NUP210L: variants seen among roughly 807,000 people sequenced by gnomAD.
NUP210L encodes nuclear pore membrane glycoprotein 210-like.
In NUP210L, 74 loss-of-function variants were observed where a neutral mutation model predicts 208.5. The ratio of observed to expected loss-of-function variants is 0.35; its 90% CI spans 0.29 to 0.43. NUP210L has a LOEUF of 0.43. Ranked by LOEUF, NUP210L falls within the 20% of genes least tolerant of loss-of-function variation. The pLI is 1.00. For missense variants in NUP210L, 1,843 were observed against 2,289.4 expected, an observed-to-expected ratio of 0.81 and a Z score of 3.98; for synonymous variants, 780 against 816.9, an observed-to-expected ratio of 0.95 and a Z score of 0.77.
chr1:154,019,102 A>G, intron 32 of NUP210L, 33 bp from the exon 33 acceptor site: 1 of 1,611,550 alleles, frequency 6.2e-7, no homozygotes, highest in South Asian at 1.1e-5. Context: ...ACTTGGCTGA[A>G]GCCTTTGATA....
At chr1:154,152,345 T>G (rs1659438549) in intron 2 of NUP210L, among the ~76,000 whole-genome samples, 1 of 151,810 alleles carries the variant, frequency 6.6e-6, no homozygotes, top group Non-Finnish European at 1.5e-5. Flanking sequence ...CTAATTTTTT[T>G]GTATTTTTAG....
At chr1:154,132,731 G>A (rs1323566680) in intron 7 of NUP210L, among the ~76,000 whole-genome samples, 2 of 151,860 alleles carry the variant, frequency 1.3e-5, no homozygotes, top group Non-Finnish European at 2.9e-5. Flanking sequence ...AATAAATATT[G>A]AATAACTTAA....
chr1:154,066,378 G>A (rs181455077), intron 17 of NUP210L, among the ~76,000 whole-genome samples: 4 of 152,174 alleles, frequency 2.6e-5, no homozygotes, highest in Non-Finnish European at 5.9e-5. Flanking sequence ...TTTGGAGGCC[G>A]AGGCGGGCGG....
intron 7 of NUP210L, among the ~76,000 whole-genome samples, chr1:154,131,715 G>T (rs1005734977): frequency 6.6e-6 from 1 of 152,058 alleles, no homozygotes; most frequent in Non-Finnish European, 1.5e-5. Context: ...TACCAGATTT[G>T]ACCTGTTGAA....
At chr1:154,138,323 T>C in intron 5 of NUP210L, 85 bp from the exon 6 acceptor site, 1 of 1,228,736 alleles carries the variant, frequency 8.1e-7, no homozygotes, top group Non-Finnish European at 1.1e-6. Context: ...AGCTTACTTC[T>C]TTTAAACTTC....
chr1:154,150,793 T>A (rs1659346163), intron 2 of NUP210L, among the ~76,000 whole-genome samples: 1 of 151,262 alleles, frequency 6.6e-6, no homozygotes, highest in Admixed American at 6.6e-5. Flanking sequence ...TACCTTTATA[T>A]ATGCCTTATA....
chr1:154,054,131 G>A lies in NUP210L; in HGVS notation c.3483+97C>T, dbSNP rs898335170. ...AGGGGCACTCTAAGGCTTTTCCTGG[G>A]CTGCTGACACCCTCCTCATTACCAC... is the stretch of plus-strand genomic sequence containing the variant. On this transcript the variant is annotated intron_variant, in intron 25 of 39. Transcript: ENST00000368559. 42 of 1,268,860 alleles carry A rather than the reference G, an allele frequency of 3.3e-5. No individual in the cohort carries two copies. In the African/African-American group the frequency reaches 5.5e-4, roughly 17 times the overall value. The allele number at this position is 1,268,860 out of a possible 1,614,324, so 78.6% of individuals were successfully genotyped here.
chr1:154,135,710 C>T (rs1043575405), intron 7 of NUP210L, 104 bp downstream of exon 7: 17 of 1,055,896 alleles, frequency 1.6e-5, no homozygotes, highest in Admixed American at 1.9e-5. Flanking sequence ...CGTGAGCCAC[C>T]GCGCCCGGCC....
chr1:154,024,922 G>GTTTT (rs71096508), intron 30 of NUP210L, among the ~76,000 whole-genome samples: 105 of 83,672 alleles, frequency 1.3e-3, no homozygotes, highest in Non-Finnish European at 1.7e-3. Context: ...AGGCTGATCT[G>GTTTT]TTTTTTTTTT....
chr1:153,995,874 C>G, intron 37 of NUP210L: 4 of 564,898 alleles, frequency 7.1e-6, no homozygotes, highest in South Asian at 2.9e-5. Flanking sequence ...TAAATGTGTT[C>G]GTGACTGGAT....
At chr1:154,154,802 G>A in intron 1 of NUP210L, 40 bp downstream of exon 1, 1 of 1,470,596 alleles carries the variant, frequency 6.8e-7, no homozygotes, top group Non-Finnish European at 9.5e-7. Context: ...TTACTGGATG[G>A]TAGTGAGGGT....
intron 12 of NUP210L, among the ~76,000 whole-genome samples, chr1:154,117,090 T>C (rs1313587970): frequency 6.6e-6 from 1 of 152,230 alleles, no homozygotes; most frequent in African/African-American, 2.4e-5. Flanking sequence ...TGTGTTTTTA[T>C]AATTAGTATA....
At chr1:154,148,074 A>G (rs1659207155) in intron 2 of NUP210L, among the ~76,000 whole-genome samples, 2 of 149,830 alleles carry the variant, frequency 1.3e-5, no homozygotes, top group Admixed American at 6.6e-5. Flanking sequence ...CCCGGCCAAC[A>G]TGGCCAACAT....
At chr1:154,111,709 A>G (rs929741098) in intron 12 of NUP210L, among the ~76,000 whole-genome samples, 3 of 151,644 alleles carry the variant, frequency 2.0e-5, no homozygotes, top group Non-Finnish European at 4.4e-5. Context: ...CTAAACATTT[A>G]AAAAAGAACT....
intron 29 of NUP210L, 76 bp downstream of exon 29, chr1:154,027,430 T>C: frequency 2.8e-5 from 29 of 1,044,436 alleles, no homozygotes; most frequent in Non-Finnish European, 4.0e-5. Context: ...GGCAAAAGTG[T>C]TCTTTCTATG....
intron 27 of NUP210L, among the ~76,000 whole-genome samples, chr1:154,032,634 C>G (rs988488046): frequency 6.6e-6 from 1 of 151,568 alleles, no homozygotes; most frequent in African/African-American, 2.4e-5. Flanking sequence ...CTGAGACATA[C>G]AGGCCAGGTG....
chr1:154,024,207 T>C (rs1399081676), intron 30 of NUP210L, among the ~76,000 whole-genome samples: 1 of 152,180 alleles, frequency 6.6e-6, no homozygotes, highest in Non-Finnish European at 1.5e-5. Context: ...ATCAATTACT[T>C]ATCAGGAACA....
exon 5 of NUP210L, chr1:154,139,838 A>G (rs549605693): frequency 1.2e-6 from 2 of 1,613,890 alleles, no homozygotes; most frequent in East Asian, 4.5e-5. Context: ...CTTTTACAAC[A>G]GCAGCACCAG....
intron 16 of NUP210L, among the ~76,000 whole-genome samples, chr1:154,080,275 G>A (rs1434382035): frequency 6.6e-6 from 1 of 151,694 alleles, no homozygotes; most frequent in African/African-American, 2.4e-5. Flanking sequence ...CAGGACAATC[G>A]TTTGAACCTG....
Sources: allele counts gnomAD v4.1 joint callset (sites outside exome capture counted in the v4.1 genomes callset), GRCh38; gene constraint gnomAD v4.1.1; transcripts MANE v1.5; gene names NCBI Gene and HGNC (gene_info 2026-07-23, HGNC 2026-07-21).